The following MSH3 variants were observed in gnomAD, a reference collection of about 807,000 sequenced individuals.
The protein encoded by MSH3 is mutS homolog 3.
Under a neutral mutation model 123.3 loss-of-function variants are expected in MSH3, and 106 were observed. The observed-to-expected ratio is 0.86, with a 90% CI of 0.73 to 1.01. MSH3 has a LOEUF of 1.01. Ranked by LOEUF, MSH3 falls within the 50% of genes least tolerant of loss-of-function variation. The pLI is 0.00. For synonymous variants in MSH3, 515 were observed against 481.4 expected (o/e 1.07, Z -0.91); for missense variants, 1,459 against 1,347.6 (o/e 1.08, Z -1.29).
In MSH3 at chr5:80,725,341, G is replaced by C. The variant is rs904362139; in HGVS notation, c.1341-112G>C. On this transcript the variant is annotated intron_variant, in intron 8 of 23. Coordinates refer to ENST00000265081, the MANE Select transcript of MSH3 (RefSeq NM_002439.5). Reference sequence around the variant, plus strand: ...CTCTCTCTTTCTTCAACTTGGGAAAGAATAAGGAATAAATCTTTATCTTTT... The same window carrying C: ...CTCTCTCTTTCTTCAACTTGGGAAACAATAAGGAATAAATCTTTATCTTTT... 2.5e-5 allele frequency: 18 copies of C among 723,110 alleles called. No homozygotes were observed. The African/African-American group carries it at 2.7e-4, about 11-fold the overall frequency. The allele number at this position is 723,110 out of a possible 1,614,324, so 44.8% of individuals were successfully genotyped here. A position where few individuals can be genotyped will look rare whatever the true frequency, so the allele number is the denominator to read the frequency against.
At chr5:80,665,806 CT>C (rs1337528888) in intron 3 of MSH3, among the ~76,000 whole-genome samples, 2 of 152,094 alleles carry the variant, frequency 1.3e-5, no homozygotes, top group East Asian at 3.8e-4. Context: ...TGAACATGGG[CT>C]TTTTACTTTA....
chr5:80,814,039 C>T (rs1278809637), intron 20 of MSH3, among the ~76,000 whole-genome samples: 1 of 151,192 alleles, frequency 6.6e-6, no homozygotes, highest in Non-Finnish European at 1.5e-5. Context: ...GTGGGAGGAT[C>T]ACCTGAGCCT....
intron 8 of MSH3, among the ~76,000 whole-genome samples, chr5:80,718,074 C>T (rs2112849837): frequency 6.6e-6 from 1 of 152,280 alleles, no homozygotes; most frequent in Non-Finnish European, 1.5e-5. Flanking sequence ...AAGAAGGCTG[C>T]TGAAACCACC....
intron 21 of MSH3, among the ~76,000 whole-genome samples, chr5:80,862,675 C>A (rs1444067869): frequency 1.3e-5 from 2 of 151,872 alleles, no homozygotes; most frequent in Admixed American, 6.6e-5. Flanking sequence ...TGGGAGGATC[C>A]CTTGAGCCCA....
chr5:80,873,282 G>A lies in MSH3; in HGVS notation c.3297G>A (p.Thr1099=), dbSNP rs756871863. ...KSKELEGLIN[T]KRKRLKYFAK... ...AAGAGCTGGAAGGATTAATAAATAC[G>A]AAAAGGTCAGAGTGATTATGCTGCA... The change falls in exon 23 of 24, where the codon ACG becomes ACA. Residue 1099 remains threonine, a synonymous_variant. Transcript: ENST00000265081. 1.4e-5 allele frequency: 23 copies of A among 1,613,670 alleles called. No homozygotes were observed. Among genetic ancestry groups the A allele is most frequent in the East Asian group, 2.2e-5 (1 of 44,812 alleles).
chr5:80,850,463 A>C (rs752624637), intron 20 of MSH3, among the ~76,000 whole-genome samples: 1 of 152,226 alleles, frequency 6.6e-6, no homozygotes, highest in African/African-American at 2.4e-5. Flanking sequence ...GGTTTACTGG[A>C]CTTACAGCTC....
At chr5:80,689,399 T>A (rs1750175808) in intron 8 of MSH3, among the ~76,000 whole-genome samples, 1 of 152,202 alleles carries the variant, frequency 6.6e-6, no homozygotes, top group Admixed American at 6.5e-5. Context: ...ACAAAGTTAA[T>A]ACATGTTTGT....
intron 8 of MSH3, among the ~76,000 whole-genome samples, chr5:80,681,813 C>T (rs1353739400): frequency 1.3e-5 from 2 of 151,952 alleles, no homozygotes; most frequent in East Asian, 3.9e-4. Flanking sequence ...TTTTGTTTGT[C>T]AAGCAGCATT....
chr5:80,839,017 C>T (rs770160602), intron 20 of MSH3, among the ~76,000 whole-genome samples: 1 of 152,190 alleles, frequency 6.6e-6, no homozygotes, highest in Non-Finnish European at 1.5e-5. Context: ...TGACAGTACT[C>T]AATCTCTCTG....
intron 22 of MSH3, among the ~76,000 whole-genome samples, chr5:80,869,841 T>TATACATATATACATATATATACACACAC (rs376147429): frequency 7.5e-6 from 1 of 132,524 alleles, no homozygotes; most frequent in African/African-American, 2.9e-5. Flanking sequence ...TACATATATA[T>TATACATATATACATATATATACACACAC]ACACACACAC....
intron 19 of MSH3, among the ~76,000 whole-genome samples, chr5:80,807,694 A>G (rs1420374708): frequency 1.3e-5 from 2 of 152,166 alleles, no homozygotes; most frequent in African/African-American, 4.8e-5. Context: ...TTTCCAACCC[A>G]CTTATTCCAT....
chr5:80,667,723 G>C (rs1749603578), intron 3 of MSH3, among the ~76,000 whole-genome samples: 1 of 152,198 alleles, frequency 6.6e-6, no homozygotes, highest in Admixed American at 6.5e-5. Flanking sequence ...TCCACAGCTG[G>C]CACCAGGGAA....
chr5:80,787,540 TTTG>T, intron 17 of MSH3, 22 bp from the exon 18 acceptor site: 1 of 1,512,566 alleles, frequency 6.6e-7, no homozygotes, highest in Non-Finnish European at 9.2e-7. Flanking sequence ...TGCTCACCTT[TTTG>T]TTGTTGCTGC....
At chr5:80,740,018 G>A (rs1303299463) in intron 10 of MSH3, among the ~76,000 whole-genome samples, 1 of 152,186 alleles carries the variant, frequency 6.6e-6, no homozygotes, top group Non-Finnish European at 1.5e-5. Flanking sequence ...AAATAATTTA[G>A]TGACCTGCTG....
intron 23 of MSH3, among the ~76,000 whole-genome samples, chr5:80,873,644 G>C (rs1207552769): frequency 6.6e-6 from 1 of 152,142 alleles, no homozygotes; most frequent in Non-Finnish European, 1.5e-5. Flanking sequence ...ATTTTATTCA[G>C]ATATGCAACG....
intron 8 of MSH3, among the ~76,000 whole-genome samples, chr5:80,722,236 T>A (rs1053602156): frequency 6.6e-6 from 1 of 152,178 alleles, no homozygotes; most frequent in African/African-American, 2.4e-5. Context: ...CTTGCTTTAT[T>A]TTGGTGCTGG....
intron 22 of MSH3, among the ~76,000 whole-genome samples, chr5:80,872,382 AC>A (rs1377622496): frequency 6.6e-6 from 1 of 152,048 alleles, no homozygotes; most frequent in Admixed American, 6.6e-5. Flanking sequence ...TGGGATAATC[AC>A]CTTGAACCTG....
rs1746302588 is a variant in MSH3, at chr5:80,875,976, A to G, written c.*114A>G. ...GACATGTGAGCATAAAATTATGACC[A>G]TGGTATATTCCTATTGGAAACAGAG... On this transcript the variant is annotated 3_prime_UTR_variant, in exon 24 of 24. Coordinates refer to ENST00000265081, the MANE Select transcript of MSH3 (RefSeq NM_002439.5). The G allele has an allele frequency of 4.1e-6, 3 of 724,138 alleles. No individual in the cohort carries two copies. Among genetic ancestry groups the G allele is most frequent in the African/African-American group, 1.8e-5 (1 of 56,852 alleles). The allele number at this position is 724,138 out of a possible 1,614,324, so 44.9% of individuals were successfully genotyped here.
chr5:80,749,812 T>G (rs1743800342), intron 12 of MSH3, among the ~76,000 whole-genome samples: 1 of 152,140 alleles, frequency 6.6e-6, no homozygotes, highest in Admixed American at 6.6e-5. Flanking sequence ...CACCAGAACT[T>G]GTTCTTGTCT....
Sources: gnomAD v4.1 joint callset for allele counts (sites outside exome capture counted in the v4.1 genomes callset) on GRCh38, gnomAD v4.1.1 for gene constraint, MANE v1.5 for transcripts, NCBI Gene and HGNC (gene_info 2026-07-23, HGNC 2026-07-21) for gene names.